Variants in MTUS1 observed in about 807,000 individuals in gnomAD.
MTUS1 encodes microtubule associated scaffold protein 1, also known as microtubule-associated tumor suppressor 1.
A neutral mutation model predicts 120.8 loss-of-function variants in MTUS1; 109 were observed. The observed-to-expected ratio is 0.90, with a 90% CI of 0.77 to 1.06. The LOEUF (loss-of-function observed/expected upper bound fraction) is 1.06, where lower values mean the gene tolerates loss of function less well. MTUS1 is among the 50% of genes least tolerant of loss of function. The pLI is 0.00. For synonymous variants in MTUS1, 737 were observed against 550.5 expected, an observed-to-expected ratio of 1.34 and a Z score of -4.74; for missense variants, 2,210 against 1,486.3, an observed-to-expected ratio of 1.49 and a Z score of -8.01.
At chr8:17,686,232 C>T (rs1056229577) in intron 6 of MTUS1, among the ~76,000 whole-genome samples, 3 of 152,194 alleles carry the variant, frequency 2.0e-5, no homozygotes, top group Admixed American at 1.3e-4. Context: ...GAACCCAGGC[C>T]TCTGATGCTA....
chr8:17,720,374 AAACT>A (rs1210034610), intron 4 of MTUS1, among the ~76,000 whole-genome samples: 1 of 152,064 alleles, frequency 6.6e-6, no homozygotes, highest in East Asian at 1.9e-4. Flanking sequence ...AACAAAAAAC[AAACT>A]AAGGTGGGTC....
chr8:17,690,196 A>G (rs551133085), intron 6 of MTUS1, among the ~76,000 whole-genome samples: 96 of 152,322 alleles, frequency 6.3e-4, no homozygotes, highest in Non-Finnish European at 1.1e-3. Context: ...AACCCCAATA[A>G]AAAATGGGCA....
intron 8 of MTUS1, among the ~76,000 whole-genome samples, chr8:17,665,513 C>A (rs1246236724): frequency 1.1e-5 from 1 of 94,242 alleles, no homozygotes; most frequent in Non-Finnish European, 2.5e-5. Flanking sequence ...ATCTACAACT[C>A]CAGCCTCTTT....
chr8:17,662,105 G>A (rs1809863350), intron 8 of MTUS1, among the ~76,000 whole-genome samples: 1 of 152,090 alleles, frequency 6.6e-6, no homozygotes. Context: ...GGACTTTCCT[G>A]TGCACTGACT....
chr8:17,740,399 C>T (rs975075335), intron 3 of MTUS1, among the ~76,000 whole-genome samples: 12 of 152,198 alleles, frequency 7.9e-5, no homozygotes, highest in Admixed American at 5.2e-4. Flanking sequence ...GCTTACCTTT[C>T]AGCAGAGTAA....
At chr8:17,687,207 G>A (rs559775440) in intron 6 of MTUS1, among the ~76,000 whole-genome samples, 2 of 152,278 alleles carry the variant, frequency 1.3e-5, no homozygotes, top group South Asian at 4.2e-4. Context: ...CTCGTGCTGT[G>A]CAGTCACCAT....
intron 8 of MTUS1, among the ~76,000 whole-genome samples, chr8:17,658,283 C>A (rs118141466): frequency 1.3e-5 from 2 of 152,140 alleles, no homozygotes; most frequent in African/African-American, 4.8e-5. Flanking sequence ...ATGCGCCTGC[C>A]TCGGCCTCCC....
At chr8:17,761,185 G>A (rs1318656617) in intron 1 of MTUS1, among the ~76,000 whole-genome samples, 1 of 152,024 alleles carries the variant, frequency 6.6e-6, no homozygotes. Flanking sequence ...AATGGTCAAA[G>A]AACTACTAGT....
chr8:17,750,731 C>T (rs1021408022), intron 2 of MTUS1, among the ~76,000 whole-genome samples: 1 of 152,188 alleles, frequency 6.6e-6, no homozygotes, highest in African/African-American at 2.4e-5. Context: ...ACTAAGGCAC[C>T]TGAGCAAAGT....
At chr8:17,800,566 A>G (rs949909054) in intron 1 of MTUS1, 25 of 152,210 alleles carry the variant, frequency 1.6e-4, no homozygotes, top group African/African-American at 5.5e-4. Flanking sequence ...ACCTAAGTCC[A>G]CTAAGCACTA....
chr8:17,702,810 T>C (rs2130924331), intron 6 of MTUS1, among the ~76,000 whole-genome samples: 1 of 152,294 alleles, frequency 6.6e-6, no homozygotes, highest in South Asian at 2.1e-4. Flanking sequence ...TATCATAATG[T>C]GGCAATGACC....
intron 8 of MTUS1, among the ~76,000 whole-genome samples, chr8:17,668,864 T>A (rs1811443939): frequency 6.6e-6 from 1 of 152,200 alleles, no homozygotes; most frequent in South Asian, 2.1e-4. Context: ...TGTCTGCTGT[T>A]CCCCTCTTTG....
At chr8:17,730,083 A>G (rs186437600) in intron 3 of MTUS1, among the ~76,000 whole-genome samples, 1 of 152,296 alleles carries the variant, frequency 6.6e-6, no homozygotes, top group African/African-American at 2.4e-5. Context: ...GGAATGTAAC[A>G]TGGTGTAGCC....
intron 3 of MTUS1, among the ~76,000 whole-genome samples, chr8:17,735,197 C>T (rs1339127023): frequency 6.6e-6 from 1 of 152,172 alleles, no homozygotes; most frequent in Admixed American, 6.5e-5. Context: ...TCTGTAGCCT[C>T]CTCCAATTTC....
At chr8:17,735,386 T>G (rs1435515352) in intron 3 of MTUS1, among the ~76,000 whole-genome samples, 1 of 152,172 alleles carries the variant, frequency 6.6e-6, no homozygotes, top group African/African-American at 2.4e-5. Context: ...ATTTTAAACA[T>G]GCATTCTACT....
chr8:17,680,332 T>TG (rs1814104416), intron 7 of MTUS1, among the ~76,000 whole-genome samples: 1 of 151,744 alleles, frequency 6.6e-6, no homozygotes, highest in South Asian at 2.1e-4. Flanking sequence ...GGTATGGTGG[T>TG]GGGCATCCGT....
At chr8:17,751,650 G>C (rs565866251) in intron 2 of MTUS1, among the ~76,000 whole-genome samples, 23 of 152,188 alleles carry the variant, frequency 1.5e-4, no homozygotes, top group African/African-American at 5.1e-4. Context: ...ATGAGGTCAA[G>C]AGATCAAGAC....
chr8:17,713,164 A>G, intron 6 of MTUS1, 50 bp downstream of exon 6: 1 of 1,395,372 alleles, frequency 7.2e-7, no homozygotes, highest in Non-Finnish European at 1.0e-6. Context: ...GTAGTAACAT[A>G]ACTTTACAAA....
chr8:17,761,974 T>C (rs758069508), intron 1 of MTUS1, among the ~76,000 whole-genome samples: 1 of 152,172 alleles, frequency 6.6e-6, no homozygotes, highest in Non-Finnish European at 1.5e-5. Context: ...TATCATTTTA[T>C]CTTACTAAAA....
Sources: allele counts gnomAD v4.1 joint callset (sites outside exome capture counted in the v4.1 genomes callset), GRCh38; gene constraint gnomAD v4.1.1; transcripts MANE v1.5; gene names NCBI Gene and HGNC (gene_info 2026-07-23, HGNC 2026-07-21).